The following GBF1 variants were observed in gnomAD, a reference collection of about 807,000 sequenced individuals.
GBF1 encodes Golgi-specific brefeldin A-resistance guanine nucleotide exchange factor 1.
A neutral mutation model predicts 210.5 loss-of-function variants in GBF1; 114 were observed. The observed-to-expected ratio is 0.54, with a 90% CI of 0.47 to 0.63. The LOEUF (loss-of-function observed/expected upper bound fraction) is 0.63. GBF1 is among the 30% of genes least tolerant of loss of function. The probability of loss-of-function intolerance (pLI) is 0.00; values close to 1 mark genes in which losing one functional copy is unlikely to be tolerated. For missense variants in GBF1, 1,851 were observed against 2,357.7 expected, an observed-to-expected ratio of 0.79 and a Z score of 4.45; for synonymous variants, 850 against 889.2, an observed-to-expected ratio of 0.96 and a Z score of 0.78.
chr10:102,380,852 A>C (rs1414567452), intron 38 of GBF1, among the ~76,000 whole-genome samples, 166 bp downstream of exon 38: 2 of 152,192 alleles, frequency 1.3e-5, no homozygotes, highest in Non-Finnish European at 2.9e-5. Flanking sequence ...TACGAAAAAT[A>C]CAAAAATTAG....
intron 3 of GBF1, among the ~76,000 whole-genome samples, chr10:102,285,456 C>G (rs532201970): frequency 2.0e-5 from 3 of 152,218 alleles, no homozygotes; most frequent in Non-Finnish European, 4.4e-5. Context: ...CCACTACTTA[C>G]AATGATACTA....
intron 17 of GBF1, among the ~76,000 whole-genome samples, chr10:102,364,915 G>A (rs2059827380): frequency 6.6e-6 from 1 of 152,102 alleles, no homozygotes; most frequent in African/African-American, 2.4e-5. Flanking sequence ...TTTGGTTCAT[G>A]TGTGCCCTTG....
intron 3 of GBF1, among the ~76,000 whole-genome samples, chr10:102,305,169 G>T (rs1022706146): frequency 3.7e-5 from 5 of 134,250 alleles, no homozygotes; most frequent in South Asian, 5.2e-4. Flanking sequence ...GAAATTATAT[G>T]CAGATTTGTG....
chr10:102,253,588 A>C (rs1037422866), intron 1 of GBF1, among the ~76,000 whole-genome samples: 2 of 152,110 alleles, frequency 1.3e-5, no homozygotes, highest in African/African-American at 4.8e-5. Context: ...ATCGTGGCTC[A>C]CTGCAGCCTT....
chr10:102,278,239 T>C (rs2075166491), intron 3 of GBF1, among the ~76,000 whole-genome samples: 1 of 152,012 alleles, frequency 6.6e-6, no homozygotes, highest in African/African-American at 2.4e-5. Flanking sequence ...GCCTGGGTGA[T>C]TAAGAAAACA....
At chr10:102,266,194 G>A (rs964922556) in intron 3 of GBF1, among the ~76,000 whole-genome samples, 3 of 152,008 alleles carry the variant, frequency 2.0e-5, no homozygotes, top group East Asian at 1.9e-4. Context: ...AGCCGAGATC[G>A]TGCCACTGCA....
intron 1 of GBF1, among the ~76,000 whole-genome samples, chr10:102,247,916 C>T (rs908770774): frequency 6.6e-6 from 1 of 152,196 alleles, no homozygotes; most frequent in Non-Finnish European, 1.5e-5. Flanking sequence ...CAAAGTTACA[C>T]TACTATTTTA....
At chr10:102,275,316 A>G (rs914103300) in intron 3 of GBF1, among the ~76,000 whole-genome samples, 1 of 152,212 alleles carries the variant, frequency 6.6e-6, no homozygotes, top group African/African-American at 2.4e-5. Context: ...GGAAAGTAGT[A>G]CCAAAACCCT....
Position 102,379,550 on chromosome 10 carries a change from C to T in GBF1, c.4675C>T (p.Arg1559Cys), listed in dbSNP as rs771336251. 5.6e-6 allele frequency: 9 copies of T among 1,613,976 alleles called. No homozygotes were observed. Among genetic ancestry groups the T allele is most frequent in the Admixed American group, 3.3e-5 (2 of 59,998 alleles). The change falls in exon 35 of 40, where the codon CGC becomes TGC. Residue 1559 changes from arginine to cysteine, a missense_variant. This residue lies in a region of GBF1 where 967 missense variants were observed against 1,247.7 expected (regional missense o/e 0.78). Transcript: ENST00000369983. ...GIACLCCDAR[R>C]QVRMQALTYL... ...TGCCTGCCTGTGCTGCGATGCCCGG[C>T]GCCAGGTACGGATGCAGGCACTGAC...
At chr10:102,234,663 A>G in the GBF1 span, among the ~76,000 whole-genome samples, 28 of 152,304 alleles carry the variant, frequency 1.8e-4, no homozygotes, top group African/African-American at 6.3e-4. Flanking sequence ...TTCATACCCA[A>G]GATGCCCTTG....
intron 3 of GBF1, among the ~76,000 whole-genome samples, chr10:102,328,212 G>A (rs1177782446): frequency 6.6e-6 from 1 of 152,180 alleles, no homozygotes; most frequent in African/African-American, 2.4e-5. Context: ...TCTTAATCTG[G>A]CTGGGCACAG....
rs372104557 is a variant in GBF1, at chr10:102,356,357, A to G, written c.640-1682A>G. Among the ~76,000 whole-genome samples, 14 of 152,300 alleles carry G rather than the reference A, an allele frequency of 9.2e-5. No homozygotes were observed. In the South Asian group the frequency reaches 2.3e-3, roughly 25 times the overall value. ...TAATGGTTTCTGGAAGAGTGTTGCCATTGCCCAATCCAGGAATGGTCCAAT... is the reference window on the plus strand; with the variant it reads ...TAATGGTTTCTGGAAGAGTGTTGCCGTTGCCCAATCCAGGAATGGTCCAAT... On this transcript the variant is annotated intron_variant, in intron 8 of 39. Transcript: ENST00000369983.
At chr10:102,311,862 T>G (rs1321837623) in intron 3 of GBF1, among the ~76,000 whole-genome samples, 4 of 152,226 alleles carry the variant, frequency 2.6e-5, no homozygotes, top group Admixed American at 6.5e-5. Context: ...CTTTCATCCC[T>G]TGTGTTTTAA....
chr10:102,257,322 T>G (rs2072547927), intron 1 of GBF1, among the ~76,000 whole-genome samples: 1 of 152,272 alleles, frequency 6.6e-6, no homozygotes, highest in African/African-American at 2.4e-5. Flanking sequence ...ATTTATATAT[T>G]TTTAGAGATA....
At position 102,382,681 on chromosome 10, in the gene GBF1, A is replaced by C; in HGVS notation, c.*345A>C. 4 of 236,958 alleles carry C rather than the reference A, an allele frequency of 1.7e-5. No homozygotes were observed. Among genetic ancestry groups the C allele is most frequent in the East Asian group, 1.7e-4 (2 of 11,530 alleles). 14.7% of individuals were successfully genotyped at this position (236,958 alleles called of 1,614,324 possible). Reference sequence around the variant, plus strand: ...CAGGCATTGAAAACTAAGCCCAACCACTCTGCACTTTGTTTCCCACTCCCA... The same window carrying C: ...CAGGCATTGAAAACTAAGCCCAACCCCTCTGCACTTTGTTTCCCACTCCCA... On this transcript the variant is annotated 3_prime_UTR_variant, in exon 40 of 40. Coordinates refer to ENST00000369983, the MANE Select transcript of GBF1 (RefSeq NM_001377137.1).
intron 3 of GBF1, 91 bp downstream of exon 3, chr10:102,260,207 A>C: frequency 1.4e-6 from 1 of 701,466 alleles, no homozygotes; most frequent in Non-Finnish European, 2.5e-6. Flanking sequence ...TGTATAAAGG[A>C]CTTTATAGTA....
rs936481468 is a variant in GBF1, at chr10:102,251,896, C to T, written c.-11+6115C>T. On this transcript the variant is annotated intron_variant, in intron 1 of 39. Coordinates refer to ENST00000369983, the MANE Select transcript of GBF1 (RefSeq NM_001377137.1). ...ATAACTACAAAGTGCTGTGGGTGGCCGGGCATGGTAGTTCATGCCTATAAT... is the reference window on the plus strand; with the variant it reads ...ATAACTACAAAGTGCTGTGGGTGGCTGGGCATGGTAGTTCATGCCTATAAT... 2.0e-5 allele frequency among the ~76,000 whole-genome samples: 3 copies of T among 152,170 alleles called. No homozygotes were observed. The South Asian group carries it at 6.2e-4, about 32-fold the overall frequency.
chr10:102,295,818 G>GT (rs2133751309), intron 3 of GBF1, among the ~76,000 whole-genome samples: 1 of 152,230 alleles, frequency 6.6e-6, no homozygotes, highest in East Asian at 1.9e-4. Context: ...AGGCAGTTCT[G>GT]TTAGCTATAC....
rs761294236 is a variant in GBF1 at position 102,361,785 on chromosome 10, A to G, written c.1559A>G (p.Glu520Gly). 1 of 1,613,594 alleles carries G rather than the reference A, an allele frequency of 6.2e-7. No homozygotes were observed. Among genetic ancestry groups the G allele is most frequent in the South Asian group, 1.1e-5 (1 of 91,060 alleles). The change falls in exon 14 of 40, where the codon GAG becomes GGG. Residue 520 changes from glutamate (E) to glycine (G), a missense_variant. This residue lies in a region of GBF1 where 804 missense variants were observed against 958.6 expected (regional missense o/e 0.84). Transcript: ENST00000369983. ...ENPKMPYEMK[E>G]MALEAIVQLW... Reference sequence around the variant, plus strand: ...CCCAAGATGCCTTATGAGATGAAGGAGATGGCACTGGAGGCCATTGTGCAG... The same window carrying G: ...CCCAAGATGCCTTATGAGATGAAGGGGATGGCACTGGAGGCCATTGTGCAG...
Sources: allele counts gnomAD v4.1 joint callset (sites outside exome capture counted in the v4.1 genomes callset), GRCh38; gene constraint gnomAD v4.1.1; regional missense constraint gnomAD v4.1.1; transcripts MANE v1.5; gene names NCBI Gene and HGNC (gene_info 2026-07-23, HGNC 2026-07-21).